The following DLG2 variants were observed in gnomAD, a reference collection of about 807,000 sequenced individuals.
The protein encoded by DLG2 is disks large homolog 2.
A neutral mutation model predicts 132.5 loss-of-function variants in DLG2; 45 were observed. The ratio of observed to expected loss-of-function variants is 0.34; its 90% CI spans 0.27 to 0.44. The LOEUF (loss-of-function observed/expected upper bound fraction) is 0.44. Ranked by LOEUF, DLG2 falls within the 20% of genes least tolerant of loss-of-function variation. The probability of loss-of-function intolerance (pLI) is 1.00; values close to 1 mark genes in which losing one functional copy is unlikely to be tolerated. For synonymous variants in DLG2, 424 were observed against 419.6 expected, an observed-to-expected ratio of 1.01 and a Z score of -0.13; for missense variants, 1,045 against 1,196.9, an observed-to-expected ratio of 0.87 and a Z score of 1.87.
At chr11:84,906,152 T>C (rs2091478089) in intron 6 of DLG2, among the ~76,000 whole-genome samples, 1 of 152,068 alleles carries the variant, frequency 6.6e-6, no homozygotes, top group Middle Eastern at 3.2e-3. Flanking sequence ...AATTTTTATT[T>C]TCTTGAACAA....
chr11:84,832,467 T>A (rs1231291315), intron 6 of DLG2, among the ~76,000 whole-genome samples: 1 of 151,592 alleles, frequency 6.6e-6, no homozygotes. Context: ...GTAACTTAAC[T>A]ACAACATAAA....
chr11:85,453,722 T>C (rs1251873481), intron 3 of DLG2: 1 of 152,242 alleles, frequency 6.6e-6, no homozygotes, highest in Non-Finnish European at 1.5e-5. Flanking sequence ...GGCCAGAAAT[T>C]AGCCAATTTC....
chr11:84,000,649 T>C (rs1214928651), intron 11 of DLG2, among the ~76,000 whole-genome samples: 1 of 152,058 alleles, frequency 6.6e-6, no homozygotes, highest in Non-Finnish European at 1.5e-5. Context: ...GAATCTCCAC[T>C]AGACTAAAAT....
At chr11:84,795,435 T>C (rs1430753841) in intron 6 of DLG2, among the ~76,000 whole-genome samples, 1 of 151,120 alleles carries the variant, frequency 6.6e-6, no homozygotes, top group Non-Finnish European at 1.5e-5. Context: ...CCACTGTGGG[T>C]TTCCTCCCTG....
Position 85,503,965 on chromosome 11 carries a change from T to C in DLG2, c.40+94692A>G, listed in dbSNP as rs527555097. Among the ~76,000 whole-genome samples the C allele has an allele frequency of 2.0e-5, 3 of 152,246 alleles. No homozygotes were observed. The East Asian group carries it at 5.8e-4, about 29-fold the overall frequency. ...GGAGGAGGAGGAGGAGGGACAGTGATGATGAGCATTTTGTCATGTGTCTGT... is the reference window on the plus strand; with the variant it reads ...GGAGGAGGAGGAGGAGGGACAGTGACGATGAGCATTTTGTCATGTGTCTGT... On this transcript the variant is annotated intron_variant, in intron 3 of 27. Transcript: ENST00000376104.
At chr11:85,388,857 T>A (rs2086567875) in intron 3 of DLG2, among the ~76,000 whole-genome samples, 1 of 152,114 alleles carries the variant, frequency 6.6e-6, no homozygotes, top group Non-Finnish European at 1.5e-5. Context: ...CAGAAGCCCT[T>A]GAGTCCCAGA....
intron 3 of DLG2, among the ~76,000 whole-genome samples, chr11:85,573,603 T>C (rs1374240792): frequency 1.3e-5 from 2 of 152,168 alleles, no homozygotes; most frequent in Non-Finnish European, 2.9e-5. Context: ...TGCTTTGTGT[T>C]TCTTGGTTCC....
At chr11:85,377,654 T>C (rs1357721972) in intron 3 of DLG2, among the ~76,000 whole-genome samples, 2 of 151,938 alleles carry the variant, frequency 1.3e-5, no homozygotes, top group Non-Finnish European at 2.9e-5. Context: ...CTCATTGGTT[T>C]CCTTAATAAT....
intron 10 of DLG2, among the ~76,000 whole-genome samples, chr11:84,071,393 C>T (rs2096754840): frequency 6.6e-6 from 1 of 152,106 alleles, no homozygotes; most frequent in Non-Finnish European, 1.5e-5. Flanking sequence ...GCGCGAGCTA[C>T]CATGCCTGGC....
intron 7 of DLG2, among the ~76,000 whole-genome samples, chr11:84,281,650 T>C (rs1282375554): frequency 7.4e-6 from 1 of 135,694 alleles, no homozygotes; most frequent in Non-Finnish European, 1.5e-5. Flanking sequence ...GTCCATGTGA[T>C]AAAACAAATA....
chr11:83,904,893 T>A lies in DLG2; in HGVS notation c.1496+25435A>T, dbSNP rs1201238551. Among the ~76,000 whole-genome samples, 4 of 152,136 alleles carry A rather than the reference T, an allele frequency of 2.6e-5. No individual in the cohort carries two copies. In the East Asian group the frequency reaches 7.7e-4, roughly 29 times the overall value. Reference sequence around the variant, plus strand: ...TTTATTCTGGCTACAGCTATTATTATAAGTAATAAAGTCTCTGATTCAGGA... The same window carrying A: ...TTTATTCTGGCTACAGCTATTATTAAAAGTAATAAAGTCTCTGATTCAGGA... On this transcript the variant is annotated intron_variant, in intron 15 of 27. Transcript: ENST00000376104.
Position 84,633,614 on chromosome 11 carries a change from T to TAA in DLG2, c.358-98885_358-98884dup, listed in dbSNP as rs200638949. Among the ~76,000 whole-genome samples, 270 of 146,038 alleles carry TAA rather than the reference T, an allele frequency of 1.8e-3. 1 individual carries two copies. The highest frequency in any genetic ancestry group is 6.3e-3 in the African/African-American group (252 of 39,946). ...TTTCTCACCGTGTATTATGACTATT[T>TAA]AAAAAAAAAAAAAGTTCCTTGAAGG... On this transcript the variant is annotated intron_variant, in intron 6 of 27. Coordinates refer to ENST00000376104, the MANE Select transcript of DLG2 (RefSeq NM_001142699.3).
At chr11:85,426,082 G>A (rs940480261) in intron 3 of DLG2, among the ~76,000 whole-genome samples, 1 of 152,224 alleles carries the variant, frequency 6.6e-6, no homozygotes, top group African/African-American at 2.4e-5. Flanking sequence ...TGGCAGCAAG[G>A]CTGAGGGAGG....
At chr11:84,379,780 T>TA (rs557695623) in intron 7 of DLG2, among the ~76,000 whole-genome samples, 8,617 of 143,280 alleles carry the variant, frequency 0.06, 800 homozygotes, top group African/African-American at 0.2. Flanking sequence ...GAGGTATTAC[T>TA]AAAAAAAAAA....
chr11:84,688,011 C>G (rs1595778353), intron 6 of DLG2, among the ~76,000 whole-genome samples: 1 of 152,126 alleles, frequency 6.6e-6, no homozygotes, highest in South Asian at 2.1e-4. Flanking sequence ...GAACACCATG[C>G]CTTCAGATGT....
chr11:83,643,278 C>T (rs1222182222), intron 18 of DLG2, among the ~76,000 whole-genome samples: 2 of 152,256 alleles, frequency 1.3e-5, no homozygotes, highest in Non-Finnish European at 2.9e-5. Context: ...CAAAGGGCAT[C>T]ATGCATGAGA....
chr11:84,269,115 G>A (rs2097686645), intron 7 of DLG2, among the ~76,000 whole-genome samples: 1 of 152,144 alleles, frequency 6.6e-6, no homozygotes, highest in Non-Finnish European at 1.5e-5. Context: ...TTGCAATTGT[G>A]AGAAACACTG....
At chr11:84,345,639 T>G (rs2098536177) in intron 7 of DLG2, among the ~76,000 whole-genome samples, 1 of 152,178 alleles carries the variant, frequency 6.6e-6, no homozygotes, top group Admixed American at 6.5e-5. Context: ...TTTCTTTTCT[T>G]TTCTTTTTTT....
intron 6 of DLG2, among the ~76,000 whole-genome samples, chr11:85,077,989 T>C (rs780621335): frequency 6.6e-6 from 1 of 151,986 alleles, no homozygotes; most frequent in Non-Finnish European, 1.5e-5. Flanking sequence ...GGCTAATATA[T>C]GGAATATTAT....
Sources: gnomAD v4.1 joint callset for allele counts (sites outside exome capture counted in the v4.1 genomes callset) on GRCh38, gnomAD v4.1.1 for gene constraint, MANE v1.5 for transcripts, NCBI Gene and HGNC (gene_info 2026-07-23, HGNC 2026-07-21) for gene names.